Variants in AGBL1 observed in about 807,000 individuals in gnomAD.
AGBL1 encodes cytosolic carboxypeptidase 4.
In AGBL1, 130 loss-of-function variants were observed where a neutral mutation model predicts 118.9. The ratio of observed to expected loss-of-function variants is 1.09; its 90% confidence interval spans 0.95 to 1.26. AGBL1 has a LOEUF of 1.26. Ranked by LOEUF, AGBL1 falls within the 50% of genes most tolerant of loss-of-function variation. The pLI, the probability that AGBL1 is intolerant of heterozygous loss-of-function variation, is 0.00. For missense variants in AGBL1, 1,584 were observed against 1,298.1 expected (o/e 1.22, Z -3.38); for synonymous variants, 555 against 478.9 (o/e 1.16, Z -2.08).
chr15:86,529,346 GA>G (rs2083315045), intron 19 of AGBL1, among the ~76,000 whole-genome samples: 1 of 136,014 alleles, frequency 7.4e-6, no homozygotes, highest in Non-Finnish European at 1.5e-5. Context: ...TCAACTGGAA[GA>G]AAGGGTATCA....
intron 5 of AGBL1, among the ~76,000 whole-genome samples, chr15:86,196,879 G>GCGCGCGCGCACACACA (rs756313941): frequency 6.4e-4 from 75 of 117,000 alleles, no homozygotes; most frequent in African/African-American, 2.4e-3. Flanking sequence ...GCGCGCGCGC[G>GCGCGCGCGCACACACA]CACACACACA....
intron 22 of AGBL1, among the ~76,000 whole-genome samples, chr15:86,857,402 C>G (rs1272436091): frequency 3.9e-5 from 6 of 152,142 alleles, no homozygotes; most frequent in Non-Finnish European, 2.9e-5. Context: ...TATCTCGAGC[C>G]CACATCCATG....
At chr15:86,566,257 G>A (rs986927076) in intron 21 of AGBL1, among the ~76,000 whole-genome samples, 7 of 152,122 alleles carry the variant, frequency 4.6e-5, no homozygotes, top group Non-Finnish European at 7.4e-5. Context: ...GTTCCTGTTT[G>A]GCCATCTTGG....
At chr15:86,400,877 T>A (rs1488695268) in intron 18 of AGBL1, among the ~76,000 whole-genome samples, 1 of 152,124 alleles carries the variant, frequency 6.6e-6, no homozygotes, top group Non-Finnish European at 1.5e-5. Context: ...TTGATGGCAC[T>A]TAGGTTGGTT....
intron 22 of AGBL1, among the ~76,000 whole-genome samples, chr15:86,792,792 T>C (rs1000712283): frequency 5.9e-5 from 9 of 151,956 alleles, no homozygotes; most frequent in African/African-American, 2.2e-4. Context: ...TTTAAAAATA[T>C]AAGAGAAAAG....
At chr15:86,582,092 CA>C (rs2084179475) in intron 21 of AGBL1, among the ~76,000 whole-genome samples, 1 of 152,068 alleles carries the variant, frequency 6.6e-6, no homozygotes, top group African/African-American at 2.4e-5. Context: ...CCACTAGATG[CA>C]GGTAACACCC....
rs181591979 is a variant in AGBL1, at chr15:86,535,935, A to C, written c.2686-10067A>C. ...TTGCTTATTTTCATAACTCGTGTTAAGGTACCACATCTAGAATTTCCCTTT... is the reference window on the plus strand; with the variant it reads ...TTGCTTATTTTCATAACTCGTGTTACGGTACCACATCTAGAATTTCCCTTT... On this transcript the variant is annotated intron_variant, in intron 19 of 22. Transcript: ENST00000614907. Among the ~76,000 whole-genome samples, 682 of 152,346 alleles carry C rather than the reference A, an allele frequency of 4.5e-3. 1 individual carries two copies. Among genetic ancestry groups the C allele is most frequent in the Non-Finnish European group, 6.7e-3 (459 of 68,038 alleles).
At chr15:86,156,053 CT>C (rs2141696456) in intron 4 of AGBL1, among the ~76,000 whole-genome samples, 1 of 152,242 alleles carries the variant, frequency 6.6e-6, no homozygotes, top group East Asian at 1.9e-4. Context: ...TCCCGAGTAG[CT>C]GGGATCACAG....
At chr15:86,374,196 C>G (rs2081006259) in intron 17 of AGBL1, among the ~76,000 whole-genome samples, 1 of 152,200 alleles carries the variant, frequency 6.6e-6, no homozygotes, top group Non-Finnish European at 1.5e-5. Context: ...GCAGGTCTCT[C>G]CAATTAAGCA....
At position 86,142,039 on chromosome 15, in the gene AGBL1, C is replaced by T. The variant is rs752172600; in HGVS notation, c.87C>T (p.Leu29=). Residue 29 remains leucine (L), a synonymous_variant, in exon 2 of 23, where the codon CTC becomes CTT. Transcript: ENST00000614907. ...SSDKESILTI[L]KVLGDLLSVG... Reference sequence around the variant, plus strand: ...ACAAGGAGTCCATCCTGACCATCCTCAAGGTCCTCGGAGATCTGCTTTCTG... The same window carrying T: ...ACAAGGAGTCCATCCTGACCATCCTTAAGGTCCTCGGAGATCTGCTTTCTG... 1 of 1,550,292 alleles carries T rather than the reference C, an allele frequency of 6.5e-7. No individual in the cohort carries two copies. Among genetic ancestry groups the T allele is most frequent in the Non-Finnish European group, 8.7e-7 (1 of 1,146,836 alleles).
At chr15:86,633,040 A>G in intron 21 of AGBL1, among the ~76,000 whole-genome samples, 1 of 152,212 alleles carries the variant, frequency 6.6e-6, no homozygotes, top group East Asian at 1.9e-4. Context: ...AGGTAGACAT[A>G]AGCCATTCTT....
chr15:86,405,147 T>A (rs2081506234), intron 18 of AGBL1, among the ~76,000 whole-genome samples: 2 of 152,218 alleles, frequency 1.3e-5, no homozygotes, highest in South Asian at 4.1e-4. Context: ...TCTTTTGCTA[T>A]ATAATTGACT....
intron 1 of AGBL1, among the ~76,000 whole-genome samples, chr15:86,136,804 T>C (rs950403462): frequency 1.2e-4 from 18 of 152,032 alleles, no homozygotes; most frequent in African/African-American, 3.6e-4. Context: ...CAGGGACACA[T>C]AGAAGATTTT....
At chr15:86,348,517 C>T (rs570394097) in intron 17 of AGBL1, among the ~76,000 whole-genome samples, 1 of 152,296 alleles carries the variant, frequency 6.6e-6, no homozygotes, top group Non-Finnish European at 1.5e-5. Context: ...CCGTGGCTTA[C>T]GCCTGTAATT....
At chr15:86,304,052 T>G (rs534376393) in intron 17 of AGBL1, among the ~76,000 whole-genome samples, 1 of 152,150 alleles carries the variant, frequency 6.6e-6, no homozygotes, top group South Asian at 2.1e-4. Context: ...GGAAAATCCT[T>G]TACCTTCAAG....
intron 18 of AGBL1, among the ~76,000 whole-genome samples, chr15:86,487,610 A>G (rs1024103265): frequency 6.6e-6 from 1 of 151,946 alleles, no homozygotes; most frequent in Non-Finnish European, 1.5e-5. Flanking sequence ...CTAAAGGAGA[A>G]TGAAAGCTCA....
At position 86,914,102 on chromosome 15, in the gene AGBL1, T is replaced by A. The variant is rs901496582; in HGVS notation, c.*6808T>A. The A allele has an allele frequency of 6.6e-6, 1 of 152,184 alleles. No homozygotes were observed. The highest frequency in any genetic ancestry group is 2.4e-5 in the African/African-American group (1 of 41,432). The allele number at this position is 152,184 out of a possible 1,614,324, so 9.4% of individuals were successfully genotyped here. A position where few individuals can be genotyped will look rare whatever the true frequency, so the allele number is the denominator to read the frequency against. ...TGGTCTTGAAGGGCAGGGCAAGACA[T>A]GGCATTGAGTTCAATTGTCTCTACT... On this transcript the variant is annotated 3_prime_UTR_variant, in exon 23 of 23. Coordinates refer to ENST00000614907, the MANE Select transcript of AGBL1 (RefSeq NM_001386094.1).
At chr15:86,897,063 T>C (rs4887517) in intron 22 of AGBL1, among the ~76,000 whole-genome samples, 27,668 of 152,208 alleles carry the variant, frequency 0.18, 3,217 homozygotes, top group African/African-American at 0.34. Context: ...TTTAGCCAGA[T>C]TTTAATTTTC....
intron 21 of AGBL1, among the ~76,000 whole-genome samples, chr15:86,632,044 A>T (rs1163796792): frequency 5.4e-5 from 7 of 129,072 alleles, no homozygotes; most frequent in East Asian, 2.1e-4. Context: ...TTTTTTTTTT[A>T]AAGTTAACCA....
Sources: gnomAD v4.1 joint callset for allele counts (sites outside exome capture counted in the v4.1 genomes callset) on GRCh38, gnomAD v4.1.1 for gene constraint, MANE v1.5 for transcripts, NCBI Gene and HGNC (gene_info 2026-07-23, HGNC 2026-07-21) for gene names.